The following ZBED4 variants were observed in gnomAD, a reference collection of about 807,000 sequenced individuals.
ZBED4 encodes the protein zinc finger BED domain-containing protein 4.
Under a neutral mutation model 15.5 loss-of-function variants are expected in ZBED4, and 4 were observed. That is an observed-to-expected ratio of 0.26 (90% confidence interval 0.13 to 0.59). The LOEUF (loss-of-function observed/expected upper bound fraction) is 0.59. Among genes scored for constraint, ZBED4 ranks in the 20% least tolerant of loss-of-function variants. ZBED4 has a pLI of 0.90. For missense variants in ZBED4, 1,323 were observed against 1,461.8 expected (o/e 0.91, Z 1.55); for synonymous variants, 692 against 608.5 (o/e 1.14, Z -2.02).
chr22:49,875,746 C>T lies in ZBED4; in HGVS notation c.-329-7588C>T, dbSNP rs933475082. Among the ~76,000 whole-genome samples the T allele has an allele frequency of 3.3e-5, 5 of 152,174 alleles. No homozygotes were observed. In the East Asian group the frequency reaches 9.6e-4, roughly 29 times the overall value. On this transcript the variant is annotated intron_variant, in intron 1 of 1. Coordinates refer to ENST00000216268, the MANE Select transcript of ZBED4 (RefSeq NM_014838.3). The stretch of plus-strand genomic sequence containing the variant: ...TGTCCATTTCATCTGAGTTGCAGAA[C>T]TTATTTTTATAAAATTTTTTATATG...
At chr22:49,868,375 T>A (rs1292299783) in intron 1 of ZBED4, among the ~76,000 whole-genome samples, 2 of 151,990 alleles carry the variant, frequency 1.3e-5, no homozygotes, top group African/African-American at 4.8e-5. Context: ...GGATCAGGAG[T>A]TCGACACCAG....
At chr22:49,871,381 G>A (rs998058453) in intron 1 of ZBED4, among the ~76,000 whole-genome samples, 5 of 152,058 alleles carry the variant, frequency 3.3e-5, no homozygotes, top group Non-Finnish European at 1.5e-5. Flanking sequence ...AGCTACTCAG[G>A]AGGCTGAGGC....
chr22:49,862,378 A>G (rs1441366672), intron 1 of ZBED4, among the ~76,000 whole-genome samples: 1 of 152,276 alleles, frequency 6.6e-6, no homozygotes, highest in Non-Finnish European at 1.5e-5. Context: ...AGCTGGGACT[A>G]CGGGCGTAAG....
rs1312018368 is a variant in ZBED4, at chr22:49,888,476, G to A, written c.*1298G>A. The stretch of plus-strand genomic sequence containing the variant: ...GGCAGACACTGGCTTTTTATTTTTA[G>A]GATAAGAAAACAGGCATATTCTTTG... On this transcript the variant is annotated 3_prime_UTR_variant, in exon 2 of 2. Coordinates refer to ENST00000216268, the MANE Select transcript of ZBED4 (RefSeq NM_014838.3). 1 of 167,182 alleles carries A rather than the reference G, an allele frequency of 6.0e-6. No individual in the cohort carries two copies. Among genetic ancestry groups the A allele is most frequent in the Non-Finnish European group, 1.5e-5 (1 of 68,116 alleles). The allele number at this position is 167,182 out of a possible 1,614,324, so 10.4% of individuals were successfully genotyped here. A position where few individuals can be genotyped will look rare whatever the true frequency, so the allele number is the denominator to read the frequency against.
Position 49,884,902 on chromosome 22 carries a change from T to A in ZBED4, c.1240T>A (p.Phe414Ile), listed in dbSNP as rs763525210. The change falls in exon 2 of 2, where the codon TTC (phenylalanine) becomes ATC (isoleucine). Residue 414 changes from phenylalanine to isoleucine, a missense_variant. Physicochemically the swap from Phe to Ile is conservative, Grantham distance 21. Around this residue, in one of 6 missense-constraint regions of ZBED4, gnomAD observed 429 missense variants for 397.9 expected, o/e 1.08. Transcript: ENST00000216268. Reference protein sequence around the residue: ...GDGLMEDVAAFSSSDDIGEAS... With the variant: ...GDGLMEDVAAISSSDDIGEAS... ...TGGGCTGATGGAAGACGTGGCGGCC[T>A]TCTCATCTTCCGATGACATAGGGGA... 1.2e-6 allele frequency: 2 copies of A among 1,602,364 alleles called. No individual in the cohort carries two copies. Among genetic ancestry groups the A allele is most frequent in the East Asian group, 4.5e-5 (2 of 44,720 alleles).
chr22:49,886,198 G>A lies in ZBED4; in HGVS notation c.2536G>A (p.Val846Met). The change falls in exon 2 of 2, where the codon GTG (valine) becomes ATG (methionine). Residue 846 changes from valine (V) to methionine (M), a missense_variant. Val to Met is a conservative substitution (Grantham distance 21). Coordinates refer to ENST00000216268, the MANE Select transcript of ZBED4 (RefSeq NM_014838.3). This position sits in a 1 kb window ranked among gnomAD's most constrained non-coding sequence, Gnocchi z 7.7. The part of the protein sequence containing the change: ...VSEAIKSQRM[V>M]QNLLSLARKI... ...CGAGGCCATTAAGAGCCAGCGGATG[G>A]TGCAGAACCTGCTGAGCCTCGCCCG... 1.3e-6 allele frequency: 1 copy of A among 762,570 alleles called. No homozygotes were observed. 47.2% of individuals were successfully genotyped at this position (762,570 alleles called of 1,614,324 possible).
intron 1 of ZBED4, among the ~76,000 whole-genome samples, chr22:49,880,961 C>T (rs1289346499): frequency 6.6e-6 from 1 of 152,126 alleles, no homozygotes; most frequent in African/African-American, 2.4e-5. Flanking sequence ...TACTTGTGTA[C>T]CTGTATACTA....
intron 1 of ZBED4, among the ~76,000 whole-genome samples, chr22:49,881,083 G>T (rs1884556): frequency 1.3e-5 from 2 of 151,936 alleles, no homozygotes; most frequent in Non-Finnish European, 2.9e-5. Flanking sequence ...CAGTGGCTCA[G>T]GCCTGTAAAC....
intron 1 of ZBED4, among the ~76,000 whole-genome samples, chr22:49,854,247 C>G (rs971660961): frequency 1.3e-5 from 2 of 149,284 alleles, no homozygotes; most frequent in African/African-American, 4.9e-5. Context: ...GGGTCGGCGC[C>G]CGGCCTGGCC....
At chr22:49,872,774 G>A (rs553786002) in intron 1 of ZBED4, among the ~76,000 whole-genome samples, 6 of 151,568 alleles carry the variant, frequency 4.0e-5, no homozygotes, top group East Asian at 1.9e-4. Context: ...ACGTGATCGC[G>A]GCTCACTGCA....
At chr22:49,866,875 C>G (rs8140403) in intron 1 of ZBED4, among the ~76,000 whole-genome samples, 140,467 of 152,304 alleles carry the variant, frequency 0.92, 64,879 homozygotes, top group African/African-American at 0.98. Context: ...GCTGGCGGCT[C>G]TTGAACGGTG....
At chr22:49,873,819 C>A (rs1334702702) in intron 1 of ZBED4, among the ~76,000 whole-genome samples, 1 of 150,626 alleles carries the variant, frequency 6.6e-6, no homozygotes, top group African/African-American at 2.4e-5. Context: ...CTGGGTTCTT[C>A]TCGACCCACA....
In ZBED4 at chr22:49,887,151, T is replaced by C; in HGVS notation, c.3489T>C (p.Asn1163=). 1 of 1,613,034 alleles carries C rather than the reference T, an allele frequency of 6.2e-7. No individual in the cohort carries two copies. Among genetic ancestry groups the C allele is most frequent in the Non-Finnish European group, 8.5e-7 (1 of 1,179,502 alleles). The change falls in exon 2 of 2, where the codon AAT becomes AAC. Residue 1163 remains asparagine (N), a synonymous_variant. Coordinates refer to ENST00000216268, the MANE Select transcript of ZBED4 (RefSeq NM_014838.3). ...HFEKLIFLKV[N]LPLIYFQY is the part of the protein sequence containing the mutation. ...AAAAACTTATCTTTTTGAAAGTGAA[T>C]CTTCCCTTAATATACTTTCAGTATT...
intron 1 of ZBED4, among the ~76,000 whole-genome samples, chr22:49,871,966 G>A (rs1315173636): frequency 6.6e-6 from 1 of 151,956 alleles, no homozygotes; most frequent in Non-Finnish European, 1.5e-5. Context: ...GGCTGGTCTC[G>A]AACTCTTCAC....
At chr22:49,861,527 G>A (rs1218329399) in intron 1 of ZBED4, among the ~76,000 whole-genome samples, 1 of 152,094 alleles carries the variant, frequency 6.6e-6, no homozygotes, top group African/African-American at 2.4e-5. Context: ...TCGACCTCAC[G>A]GGCTCAAGTG....
intron 1 of ZBED4, among the ~76,000 whole-genome samples, chr22:49,862,693 CTTTTTTT>C (rs66520307): frequency 1.9e-4 from 11 of 58,988 alleles, no homozygotes; most frequent in African/African-American, 3.4e-4. Context: ...TAAGTTTTTC[CTTTTTTT>C]TTTTTTTTTT....
chr22:49,854,741 G>A (rs2319460), intron 1 of ZBED4, among the ~76,000 whole-genome samples: 140,322 of 152,002 alleles, frequency 0.92, 64,865 homozygotes, highest in African/African-American at 0.98. Context: ...GGGCACCTCT[G>A]TGGAAACACG....
At position 49,885,190 on chromosome 22, in the gene ZBED4, G is replaced by C; in HGVS notation, c.1528G>C (p.Gly510Arg). ...HLYRRHPEVV[G>R]SQKGFLGASL... is the part of the protein sequence containing the mutation. The stretch of plus-strand genomic sequence containing the variant: ...CTACCGGCGCCATCCAGAAGTTGTC[G>C]GGAGCCAGAAGGGCTTCCTGGGTGC... Residue 510 changes from glycine to arginine, a missense_variant, in exon 2 of 2, where the codon GGG becomes CGG. This residue lies in a region of ZBED4 where 429 missense variants were observed against 397.9 expected (regional missense o/e 1.08). Transcript: ENST00000216268. The C allele has an allele frequency of 1.2e-6, 2 of 1,613,834 alleles. No homozygotes were observed. Among genetic ancestry groups the C allele is most frequent in the Non-Finnish European group, 1.7e-6 (2 of 1,179,948 alleles).
chr22:49,853,139 T>C (rs1032285951), upstream of ZBED4: 2 of 152,320 alleles, frequency 1.3e-5, no homozygotes, highest in African/African-American at 4.8e-5. Flanking sequence ...GCAGAGTTTA[T>C]TTGGTCTGCT....
Sources: allele counts gnomAD v4.1 joint callset (sites outside exome capture counted in the v4.1 genomes callset), GRCh38; gene constraint gnomAD v4.1.1; regional missense constraint gnomAD v4.1.1; non-coding constraint Gnocchi (gnomAD v3.1); transcripts MANE v1.5; gene names NCBI Gene and HGNC (gene_info 2026-07-23, HGNC 2026-07-21).